CACNB2: variants seen among roughly 807,000 people sequenced by gnomAD.
CACNB2 encodes voltage-dependent L-type calcium channel subunit beta-2.
In CACNB2, 42 loss-of-function variants were observed where a neutral mutation model predicts 73.3. The observed-to-expected ratio is 0.57, with a 90% CI of 0.45 to 0.74. The LOEUF (loss-of-function observed/expected upper bound fraction) is 0.74. Ranked by LOEUF, CACNB2 falls within the 30% of genes least tolerant of loss-of-function variation. The pLI is 0.00. For synonymous variants in CACNB2, 348 were observed against 310.3 expected, an observed-to-expected ratio of 1.12 and a Z score of -1.28; for missense variants, 940 against 853.0, an observed-to-expected ratio of 1.10 and a Z score of -1.27.
intron 2 of CACNB2, among the ~76,000 whole-genome samples, chr10:18,197,935 A>G (rs1393438851): frequency 1.3e-5 from 2 of 148,212 alleles, no homozygotes; most frequent in Non-Finnish European, 3.0e-5. Flanking sequence ...AATGGTTAAT[A>G]TATAGTCAAT....
At chr10:18,534,312 T>C in intron 11 of CACNB2, 85 bp downstream of exon 11, 16 of 1,125,552 alleles carry the variant, frequency 1.4e-5, no homozygotes, top group Non-Finnish European at 2.2e-5. Context: ...TAGGCTATTG[T>C]AATAGCCTTT....
chr10:18,415,467 TAAAAAA>T (rs11337812), intron 3 of CACNB2, among the ~76,000 whole-genome samples: 2 of 142,814 alleles, frequency 1.4e-5, no homozygotes, highest in Non-Finnish European at 3.0e-5. Flanking sequence ...CCTTGTCTCT[TAAAAAA>T]AAAAAAACAA....
chr10:18,324,115 C>A (rs190600643), intron 2 of CACNB2, among the ~76,000 whole-genome samples: 107 of 152,286 alleles, frequency 7.0e-4, no homozygotes, highest in African/African-American at 2.4e-3. Context: ...TTTAAAAAAT[C>A]ATTCATTCAC....
At chr10:18,353,950 A>G (rs935360375) in intron 2 of CACNB2, among the ~76,000 whole-genome samples, 16 of 152,230 alleles carry the variant, frequency 1.1e-4, no homozygotes, top group African/African-American at 3.6e-4. Context: ...ATTCTGGTGA[A>G]TATTTGAAAA....
intron 9 of CACNB2, among the ~76,000 whole-genome samples, chr10:18,522,878 A>C (rs1455110794): frequency 6.5e-3 from 23 of 3,554 alleles, no homozygotes; most frequent in African/African-American, 0.031. Flanking sequence ...ACTCTGTCTC[A>C]AAAAAAAAAA....
intron 2 of CACNB2, among the ~76,000 whole-genome samples, chr10:18,155,889 A>AGAAC (rs140441325): frequency 3.6e-4 from 17 of 47,672 alleles, no homozygotes; most frequent in African/African-American, 8.3e-4. Flanking sequence ...AGAGAGAGAG[A>AGAAC]GAACATATTA....
intron 6 of CACNB2, among the ~76,000 whole-genome samples, chr10:18,509,106 G>A (rs2050633488): frequency 6.6e-6 from 1 of 152,142 alleles, no homozygotes; most frequent in African/African-American, 2.4e-5. Flanking sequence ...TGTATAATAA[G>A]CATATTAGGA....
At chr10:18,532,786 G>A (rs548950803) in intron 10 of CACNB2, among the ~76,000 whole-genome samples, 7 of 151,560 alleles carry the variant, frequency 4.6e-5, no homozygotes, top group South Asian at 4.2e-4. Context: ...GGAGTTACAC[G>A]GGATGCTGTG....
chr10:18,394,930 G>A (rs931679527), intron 2 of CACNB2, among the ~76,000 whole-genome samples: 3 of 152,030 alleles, frequency 2.0e-5, no homozygotes, highest in African/African-American at 4.8e-5. Flanking sequence ...TATATTCTCC[G>A]GAGACATCAT....
chr10:18,463,563 C>T (rs778721824), intron 3 of CACNB2, among the ~76,000 whole-genome samples: 37 of 151,212 alleles, frequency 2.4e-4, no homozygotes, highest in Non-Finnish European at 4.1e-4. Context: ...TGCAGGTGCA[C>T]GCCACAATGC....
At chr10:18,368,976 A>G (rs2042467080) in intron 2 of CACNB2, among the ~76,000 whole-genome samples, 1 of 152,208 alleles carries the variant, frequency 6.6e-6, no homozygotes, top group Admixed American at 6.5e-5. Context: ...TGTACTGGTA[A>G]TTTAACATCA....
At chr10:18,356,050 TG>T (rs1335950070) in intron 2 of CACNB2, among the ~76,000 whole-genome samples, 1 of 152,212 alleles carries the variant, frequency 6.6e-6, no homozygotes, top group African/African-American at 2.4e-5. Flanking sequence ...ACGGAGACTC[TG>T]GCACCCCAAG....
intron 2 of CACNB2, among the ~76,000 whole-genome samples, chr10:18,335,876 A>T (rs2040986715): frequency 6.6e-6 from 1 of 152,078 alleles, no homozygotes; most frequent in African/African-American, 2.4e-5. Flanking sequence ...TTGGAAAGGC[A>T]TTGAAATTCC....
chr10:18,247,716 T>C (rs2036923574), intron 2 of CACNB2, among the ~76,000 whole-genome samples: 1 of 152,192 alleles, frequency 6.6e-6, no homozygotes, highest in African/African-American at 2.4e-5. Context: ...AAGTCGAAGG[T>C]TGAGGCAGAT....
intron 2 of CACNB2, among the ~76,000 whole-genome samples, chr10:18,228,888 G>T (rs1419247073): frequency 6.6e-6 from 1 of 152,046 alleles, no homozygotes; most frequent in Non-Finnish European, 1.5e-5. Flanking sequence ...ACAAGCATGT[G>T]CCACCATGCC....
At chr10:18,145,336 T>G (rs1004169974) in intron 1 of CACNB2, among the ~76,000 whole-genome samples, 3 of 152,242 alleles carry the variant, frequency 2.0e-5, no homozygotes, top group Admixed American at 6.5e-5. Context: ...TCTCCAAAGT[T>G]GGTGGTTACA....
chr10:18,183,627 C>T (rs2034000651), intron 2 of CACNB2, among the ~76,000 whole-genome samples: 1 of 152,088 alleles, frequency 6.6e-6, no homozygotes, highest in South Asian at 2.1e-4. Flanking sequence ...ATGAGAACAG[C>T]ATGGGAAAAA....
At chr10:18,534,601 C>T (rs1357543282) in intron 11 of CACNB2, among the ~76,000 whole-genome samples, 1 of 152,184 alleles carries the variant, frequency 6.6e-6, no homozygotes, top group Non-Finnish European at 1.5e-5. Flanking sequence ...TATCAAAGTA[C>T]CAGCAGTTAC....
At chr10:18,328,092 A>T (rs957332312) in intron 2 of CACNB2, among the ~76,000 whole-genome samples, 1 of 152,190 alleles carries the variant, frequency 6.6e-6, no homozygotes, top group Non-Finnish European at 1.5e-5. Flanking sequence ...GTGCTCTAAG[A>T]ATCTTAGAAG....
Sources: allele counts gnomAD v4.1 joint callset (sites outside exome capture counted in the v4.1 genomes callset), GRCh38; gene constraint gnomAD v4.1.1; transcripts MANE v1.5; gene names NCBI Gene and HGNC (gene_info 2026-07-23, HGNC 2026-07-21).